Variants in OR56A3 observed in about 807,000 individuals in gnomAD.
OR56A3 encodes olfactory receptor family 56 subfamily A member 3, also known as olfactory receptor 56A3.
OR56A3 carries 23 observed loss-of-function variants against 17.5 expected under a neutral mutation model. The observed-to-expected ratio is 1.32, with a 90% CI of 0.95 to 1.87. The LOEUF (loss-of-function observed/expected upper bound fraction) is 1.87. OR56A3 is among the 40% of genes most tolerant of loss of function. OR56A3 has a pLI of 0.00. For missense variants in OR56A3, 366 were observed against 380.1 expected (o/e 0.96, Z 0.31); for synonymous variants, 175 against 150.6 (o/e 1.16, Z -1.19).
chr11:6,020,109 T>C, the OR56A3 span: 1 of 152,086 alleles, frequency 6.6e-6, no homozygotes, highest in Non-Finnish European at 1.5e-5. Context: ...CACCACATAC[T>C]AACAACGGCA....
chr11:5,965,769 T>C, the OR56A3 span, among the ~76,000 whole-genome samples: 1 of 152,070 alleles, frequency 6.6e-6, no homozygotes, highest in Non-Finnish European at 1.5e-5. Flanking sequence ...TTAATTCCAT[T>C]GGGGTAAATA....
At chr11:5,971,367 G>T in the OR56A3 span, among the ~76,000 whole-genome samples, 78,977 of 151,968 alleles carry the variant, frequency 0.52, 20,851 homozygotes, top group East Asian at 0.69. Context: ...GTCCACTGTC[G>T]CTGAAAGATT....
chr11:5,967,886 A>T, the OR56A3 span: 1 of 1,583,226 alleles, frequency 6.3e-7, no homozygotes, highest in African/African-American at 1.3e-5. Context: ...AACCTATAAC[A>T]AACTGGTAGC....
At chr11:6,015,461 G>A in the OR56A3 span, among the ~76,000 whole-genome samples, 1 of 152,238 alleles carries the variant, frequency 6.6e-6, no homozygotes, top group Non-Finnish European at 1.5e-5. Context: ...TAGTGGAGCT[G>A]TAAGAACAGG....
At chr11:6,004,504 A>G in the OR56A3 span, among the ~76,000 whole-genome samples, 1 of 152,234 alleles carries the variant, frequency 6.6e-6, no homozygotes, top group Non-Finnish European at 1.5e-5. Flanking sequence ...GCTGCCAGAG[A>G]AGATAATGTA....
At chr11:5,960,092 G>A in the OR56A3 span, among the ~76,000 whole-genome samples, 1 of 152,124 alleles carries the variant, frequency 6.6e-6, no homozygotes, top group Non-Finnish European at 1.5e-5. Flanking sequence ...TTTAAAATAA[G>A]GAAGTGTGAT....
the OR56A3 span, among the ~76,000 whole-genome samples, chr11:5,998,146 A>T: frequency 6.6e-6 from 1 of 152,184 alleles, no homozygotes; most frequent in South Asian, 2.1e-4. Context: ...AATGGTGCAT[A>T]ACTGGGTGAG....
chr11:5,975,926 G>T, the OR56A3 span, among the ~76,000 whole-genome samples: 1 of 151,732 alleles, frequency 6.6e-6, no homozygotes, highest in African/African-American at 2.4e-5. Context: ...TTTAAAAAAA[G>T]AAATATAGAA....
chr11:6,015,842 C>T, the OR56A3 span, among the ~76,000 whole-genome samples: 1 of 152,114 alleles, frequency 6.6e-6, no homozygotes, highest in African/African-American at 2.4e-5. Flanking sequence ...GGACTAGGCT[C>T]GTCTTAAATG....
the OR56A3 span, among the ~76,000 whole-genome samples, chr11:5,969,891 T>A: frequency 0.28 from 42,573 of 151,730 alleles, 6,227 homozygotes; most frequent in East Asian, 0.47. Context: ...AATGGGCATA[T>A]TTTAGAGGTA....
At chr11:5,957,408 G>A in the OR56A3 span, among the ~76,000 whole-genome samples, 1 of 152,024 alleles carries the variant, frequency 6.6e-6, no homozygotes, top group African/African-American at 2.4e-5. Flanking sequence ...AATCTTTTAT[G>A]TTTTGTTATT....
downstream of OR56A3, among the ~76,000 whole-genome samples, chr11:5,955,909 G>A (rs985570865): frequency 2.6e-5 from 4 of 152,046 alleles, no homozygotes; most frequent in African/African-American, 4.8e-5. Context: ...TTTGCCCTAC[G>A]AATACTTGCT....
the OR56A3 span, among the ~76,000 whole-genome samples, chr11:6,018,120 G>C: frequency 6.6e-6 from 1 of 151,456 alleles, no homozygotes; most frequent in African/African-American, 2.4e-5. Flanking sequence ...TGAAAGGGAG[G>C]GATACACACC....
chr11:6,011,754 G>T, the OR56A3 span, among the ~76,000 whole-genome samples: 1 of 152,286 alleles, frequency 6.6e-6, no homozygotes, highest in East Asian at 1.9e-4. Context: ...ACACCTCCAA[G>T]GGAGACTGGA....
the OR56A3 span, among the ~76,000 whole-genome samples, chr11:5,983,354 G>T: frequency 6.6e-6 from 1 of 151,766 alleles, no homozygotes; most frequent in African/African-American, 2.4e-5. Flanking sequence ...ATGGGTTATT[G>T]AGATGTATTT....
At position 5,948,148 on chromosome 11, in the gene OR56A3, G is replaced by A; in HGVS notation, c.802G>A (p.Ala268Thr). Residue 268 changes from alanine to threonine, a missense_variant, in exon 3 of 3, where the codon GCT (alanine) becomes ACT (threonine). Coordinates refer to ENST00000641160, the MANE Select transcript of OR56A3 (RefSeq NM_001003443.3). Reference protein sequence around the residue: ...ILLVFVLTHVAKKKVSPDVPV... With the variant: ...ILLVFVLTHVTKKKVSPDVPV... ...TCTGGTTTTTGTCCTCACACATGTG[G>A]CTAAGAAGAAAGTCTCCCCTGATGT... 6.2e-7 allele frequency: 1 copy of A among 1,614,182 alleles called. No individual in the cohort carries two copies. The highest frequency in any genetic ancestry group is 1.1e-5 in the South Asian group (1 of 91,080).
chr11:6,008,421 A>C, the OR56A3 span, among the ~76,000 whole-genome samples: 1 of 152,218 alleles, frequency 6.6e-6, no homozygotes, highest in African/African-American at 2.4e-5. Flanking sequence ...AAGGAAATGT[A>C]TATTGCTAAG....
chr11:6,015,521 C>T, the OR56A3 span, among the ~76,000 whole-genome samples: 1 of 152,242 alleles, frequency 6.6e-6, no homozygotes, highest in Non-Finnish European at 1.5e-5. Flanking sequence ...CAGCTTGCAT[C>T]CTGTGCCTGG....
the OR56A3 span, among the ~76,000 whole-genome samples, chr11:6,005,504 G>C: frequency 1.3e-5 from 2 of 152,212 alleles, no homozygotes; most frequent in Admixed American, 6.5e-5. Context: ...GGTAGGCATT[G>C]TCACGTACAT....
Sources: allele counts gnomAD v4.1 joint callset (sites outside exome capture counted in the v4.1 genomes callset), GRCh38; gene constraint gnomAD v4.1.1; transcripts MANE v1.5; gene names NCBI Gene and HGNC (gene_info 2026-07-23, HGNC 2026-07-21).